WDR27: variants seen among roughly 807,000 people sequenced by gnomAD.
WDR27 encodes the protein WD repeat domain 27.
WDR27 carries 100 observed loss-of-function variants against 114.4 expected under a neutral mutation model. The ratio of observed to expected loss-of-function variants is 0.87; its 90% CI spans 0.74 to 1.03. The LOEUF (loss-of-function observed/expected upper bound fraction) is 1.03, where lower values mean the gene tolerates loss of function less well. WDR27 is among the 50% of genes least tolerant of loss of function. The pLI is 0.00. For synonymous variants in WDR27, 449 were observed against 423.1 expected (o/e 1.06, Z -0.75); for missense variants, 1,129 against 1,092.9 (o/e 1.03, Z -0.47).
intron 4 of WDR27, 53 bp downstream of exon 4, chr6:169,670,516 G>A (rs1778426777): frequency 6.2e-7 from 1 of 1,608,614 alleles, no homozygotes; most frequent in Admixed American, 1.7e-5. Context: ...CAGAACCTGG[G>A]AGGCCCCATC....
At chr6:169,674,619 G>A (rs1187141629) in intron 2 of WDR27, among the ~76,000 whole-genome samples, 1 of 152,204 alleles carries the variant, frequency 6.6e-6, no homozygotes, top group Non-Finnish European at 1.5e-5. Flanking sequence ...CATGTAAGCA[G>A]GGTCCACAAC....
the WDR27 span, among the ~76,000 whole-genome samples, chr6:169,435,544 A>C: frequency 3.9e-5 from 6 of 152,358 alleles, 1 homozygote; most frequent in South Asian, 2.1e-4. Flanking sequence ...CCTGGACGTG[A>C]GACATGGAGT....
intron 25 of WDR27, among the ~76,000 whole-genome samples, chr6:169,528,506 G>T (rs1795207828): frequency 6.6e-6 from 1 of 152,166 alleles, no homozygotes; most frequent in South Asian, 2.1e-4. Flanking sequence ...ACTGTGATTT[G>T]TGTTAACAAA....
rs528579120 is a variant in WDR27 at position 169,538,332 on chromosome 6, C to G, written c.2645+34087G>C. Among the ~76,000 whole-genome samples the G allele has an allele frequency of 2.2e-4, 33 of 152,162 alleles. 1 individual carries two copies. The South Asian group carries it at 5.6e-3, about 26-fold the overall frequency. Reference sequence around the variant, plus strand: ...TGAAACTTCTTTTCAACAGCCTGTACTCTTATGTCATTTAATCTGAAGAAA... The same window carrying G: ...TGAAACTTCTTTTCAACAGCCTGTAGTCTTATGTCATTTAATCTGAAGAAA... On this transcript the variant is annotated intron_variant, in intron 25 of 25. Coordinates refer to ENST00000448612, the MANE Select transcript of WDR27 (RefSeq NM_182552.5).
At chr6:169,635,905 T>C (rs751716995) in intron 19 of WDR27, among the ~76,000 whole-genome samples, 34 of 152,216 alleles carry the variant, frequency 2.2e-4, no homozygotes, top group Admixed American at 1.8e-3. Flanking sequence ...GACTGGGAGA[T>C]AGGTTCCTAA....
chr6:169,464,734 A>C (rs1437916780), intron 25 of WDR27, among the ~76,000 whole-genome samples: 1 of 152,162 alleles, frequency 6.6e-6, no homozygotes, highest in Non-Finnish European at 1.5e-5. Flanking sequence ...CTAAAACTAA[A>C]CAACATAATC....
intron 13 of WDR27, among the ~76,000 whole-genome samples, chr6:169,656,567 G>A (rs1824257732): frequency 6.6e-6 from 1 of 152,150 alleles, no homozygotes; most frequent in South Asian, 2.1e-4. Context: ...AGAGGTTCGG[G>A]GGGCTGAGAA....
intron 1 of WDR27, among the ~76,000 whole-genome samples, chr6:169,691,212 C>T (rs1784421075): frequency 6.6e-6 from 1 of 151,824 alleles, no homozygotes; most frequent in Non-Finnish European, 1.5e-5. Flanking sequence ...GAGACTCTGT[C>T]TCAAAAAAAT....
intron 1 of WDR27, among the ~76,000 whole-genome samples, chr6:169,693,443 G>C (rs1378704582): frequency 3.3e-5 from 5 of 152,106 alleles, no homozygotes; most frequent in African/African-American, 1.2e-4. Flanking sequence ...AGGGTATTTA[G>C]GCAGGAACTA....
chr6:169,451,416 AG>A, the WDR27 span, among the ~76,000 whole-genome samples: 2 of 152,188 alleles, frequency 1.3e-5, no homozygotes, highest in African/African-American at 4.8e-5. Flanking sequence ...GGACCTCCTG[AG>A]GCTGTGTCAC....
chr6:169,654,656 C>T (rs1159922853), intron 13 of WDR27, among the ~76,000 whole-genome samples: 1 of 152,052 alleles, frequency 6.6e-6, no homozygotes, highest in Non-Finnish European at 1.5e-5. Flanking sequence ...GCTTTTGCTG[C>T]AAAGCGAAAG....
chr6:169,609,373 G>C (rs551682741), intron 22 of WDR27, among the ~76,000 whole-genome samples: 3 of 152,196 alleles, frequency 2.0e-5, no homozygotes, highest in Non-Finnish European at 4.4e-5. Context: ...AAACATCTGC[G>C]TGGGCATCCA....
chr6:169,675,420 CAA>C (rs1258024508), intron 2 of WDR27, among the ~76,000 whole-genome samples: 1 of 152,088 alleles, frequency 6.6e-6, no homozygotes. Context: ...CTTGTGTCGA[CAA>C]AAGAGTCGAA....
At chr6:169,636,527 C>G in intron 18 of WDR27, 23 bp from the exon 19 acceptor site, 1 of 1,579,706 alleles carries the variant, frequency 6.3e-7, no homozygotes, top group Non-Finnish European at 8.6e-7. Context: ...TCAGTAATTA[C>G]TGTCAATATA....
downstream of WDR27, among the ~76,000 whole-genome samples, chr6:169,453,511 GCTTTCTCTCCTGGGTTGTCCCACT>G (rs1033534657): frequency 6.6e-6 from 1 of 152,138 alleles, no homozygotes; most frequent in Non-Finnish European, 1.5e-5. Context: ...GGAGTCCCAC[GCTTTCTCTCCTGGGTTGTCCCACT>G]ATTCCTTTTG....
intron 4 of WDR27, chr6:169,668,782 T>C (rs1470861527): frequency 1.3e-5 from 2 of 152,476 alleles, no homozygotes; most frequent in African/African-American, 4.8e-5. Flanking sequence ...TCCATCTAAA[T>C]AAGACAAATA....
intron 22 of WDR27, among the ~76,000 whole-genome samples, chr6:169,607,421 C>CACACACAT (rs1435739697): frequency 2.3e-5 from 1 of 43,002 alleles, no homozygotes; most frequent in African/African-American, 4.7e-5. Context: ...CACACACACA[C>CACACACAT]ACATATAATA....
chr6:169,567,567 G>A (rs574938442), intron 25 of WDR27, among the ~76,000 whole-genome samples: 5 of 152,264 alleles, frequency 3.3e-5, no homozygotes, highest in African/African-American at 1.2e-4. Context: ...ACGCTCTAGT[G>A]CAAGAGCCTA....
At chr6:169,575,194 TCATCCATCCATCCACC>T (rs566732739) in intron 24 of WDR27, among the ~76,000 whole-genome samples, 2 of 152,028 alleles carry the variant, frequency 1.3e-5, no homozygotes, top group South Asian at 4.2e-4. Context: ...ATAAAAAATT[TCATCCATCCATCCACC>T]CATCCATCCA....
Sources: gnomAD v4.1 joint callset for allele counts (sites outside exome capture counted in the v4.1 genomes callset) on GRCh38, gnomAD v4.1.1 for gene constraint, MANE v1.5 for transcripts, NCBI Gene and HGNC (gene_info 2026-07-23, HGNC 2026-07-21) for gene names.